PRKCZ: variants seen among roughly 807,000 people sequenced by gnomAD.
PRKCZ encodes protein kinase C zeta.
PRKCZ carries 33 observed loss-of-function variants against 79.5 expected under a neutral mutation model. That is an observed-to-expected ratio of 0.41 (90% CI 0.31 to 0.55). PRKCZ has a LOEUF of 0.55. PRKCZ is among the 20% of genes least tolerant of loss of function. The pLI is 0.19. For missense variants in PRKCZ, 578 were observed against 813.5 expected, an observed-to-expected ratio of 0.71 and a Z score of 3.52; for synonymous variants, 342 against 320.9, an observed-to-expected ratio of 1.07 and a Z score of -0.70.
intron 5 of PRKCZ, chr1:2,142,255 C>A: frequency 3.3e-6 from 1 of 301,490 alleles, no homozygotes; most frequent in Non-Finnish European, 6.3e-6. Flanking sequence ...CGAAGCGCCT[C>A]CTTTCAATCC....
intron 4 of PRKCZ, among the ~76,000 whole-genome samples, chr1:2,106,887 C>T (rs544877029): frequency 3.1e-4 from 43 of 138,364 alleles, no homozygotes; most frequent in South Asian, 2.0e-3. Context: ...ACACGTGTCA[C>T]CAGGCCAGGT....
At chr1:2,102,494 C>A (rs556804894) in intron 4 of PRKCZ, among the ~76,000 whole-genome samples, 6 of 151,382 alleles carry the variant, frequency 4.0e-5, no homozygotes, top group Admixed American at 3.9e-4. Context: ...CACCACGTCC[C>A]GCTAATTTTT....
At chr1:2,091,473 C>T (rs1665487232) in intron 4 of PRKCZ, among the ~76,000 whole-genome samples, 1 of 152,244 alleles carries the variant, frequency 6.6e-6, no homozygotes, top group African/African-American at 2.4e-5. Flanking sequence ...AACAGAACCT[C>T]CGCAGTCCCA....
rs897609863 is a variant in PRKCZ, at chr1:2,174,553, C to T, written c.1406-201C>T. Among the ~76,000 whole-genome samples, 9 of 152,370 alleles carry T rather than the reference C, an allele frequency of 5.9e-5. No individual in the cohort carries two copies. The highest frequency in any genetic ancestry group is 5.8e-4 in the East Asian group (3 of 5,182). On this transcript the variant is annotated intron_variant, in intron 14 of 17. Transcript: ENST00000378567. This position sits in a 1 kb window ranked among gnomAD's most constrained non-coding sequence, Gnocchi z 6.2. ...CTGGTTCACGTCCGATCCTACGACA[C>T]GTGCCAGCGCATGTAACCAGGAGGC...
intron 9 of PRKCZ, 84 bp from the exon 10 acceptor site, chr1:2,155,911 A>C: frequency 8.6e-7 from 1 of 1,163,184 alleles, no homozygotes; most frequent in Non-Finnish European, 1.3e-6. Flanking sequence ...GAGGAAAGAG[A>C]CTCCTCCCTT....
chr1:2,056,874 G>C (rs2803315), intron 3 of PRKCZ, among the ~76,000 whole-genome samples: 18,522 of 151,310 alleles, frequency 0.12, 3,729 homozygotes, highest in African/African-American at 0.42. Flanking sequence ...GACTACAGGC[G>C]CCCGCCACCA....
At position 2,165,176 on chromosome 1, in the gene PRKCZ, C is replaced by T. The variant is rs571505203; in HGVS notation, c.975-4342C>T. Among the ~76,000 whole-genome samples, 7 of 152,232 alleles carry T rather than the reference C, an allele frequency of 4.6e-5. No homozygotes were observed. Among genetic ancestry groups the T allele is most frequent in the Non-Finnish European group, 8.8e-5 (6 of 68,040 alleles). On this transcript the variant is annotated intron_variant, in intron 10 of 17. Coordinates refer to ENST00000378567, the MANE Select transcript of PRKCZ (RefSeq NM_002744.6). The surrounding 1 kb of genome is among the most constrained non-coding windows in gnomAD (Gnocchi z 4.1). Reference sequence around the variant, plus strand: ...AATCCTTCTGTGGATTCAGCTTTACCGCCTTTCCTCATCTGCTGGTGTCTT... The same window carrying T: ...AATCCTTCTGTGGATTCAGCTTTACTGCCTTTCCTCATCTGCTGGTGTCTT...
intron 9 of PRKCZ, among the ~76,000 whole-genome samples, chr1:2,155,593 GTGGTGA>G (rs879935842): frequency 2.7e-4 from 38 of 141,606 alleles, no homozygotes; most frequent in Non-Finnish European, 4.8e-4. Flanking sequence ...GATGACGGTG[GTGGTGA>G]TGATGACAGT....
chr1:2,130,266 G>C (rs1016882811), intron 4 of PRKCZ, among the ~76,000 whole-genome samples: 1 of 152,178 alleles, frequency 6.6e-6, no homozygotes, highest in African/African-American at 2.4e-5. Context: ...TAACTCACCT[G>C]GTCCCTGCTT....
At chr1:2,147,024 A>G (rs1233537047) in intron 7 of PRKCZ, among the ~76,000 whole-genome samples, 1 of 151,918 alleles carries the variant, frequency 6.6e-6, no homozygotes, top group Non-Finnish European at 1.5e-5. Flanking sequence ...CCAGCCAGCC[A>G]TCCTCCACCC....
intron 4 of PRKCZ, among the ~76,000 whole-genome samples, chr1:2,130,132 C>T (rs1233329362): frequency 6.6e-6 from 1 of 152,166 alleles, no homozygotes; most frequent in African/African-American, 2.4e-5. Flanking sequence ...ATTCAAATTC[C>T]TGGGCTCAAG....
chr1:2,163,232 G>A (rs1365304653), intron 10 of PRKCZ, among the ~76,000 whole-genome samples: 1 of 152,236 alleles, frequency 6.6e-6, no homozygotes, highest in Non-Finnish European at 1.5e-5. Context: ...TCTCGGGCAG[G>A]CAGCATTTGC....
intron 4 of PRKCZ, among the ~76,000 whole-genome samples, chr1:2,065,734 T>G (rs929484105): frequency 6.6e-6 from 1 of 151,424 alleles, no homozygotes; most frequent in African/African-American, 2.4e-5. Context: ...GCCTTTGTCC[T>G]GATTGTCAAA....
chr1:2,185,228 T>C lies in PRKCZ; in HGVS notation c.*219T>C, dbSNP rs1393256771. 1.4e-6 allele frequency: 1 copy of C among 708,168 alleles called. No individual in the cohort carries two copies. Among genetic ancestry groups the C allele is most frequent in the Non-Finnish European group, 2.6e-6 (1 of 382,080 alleles). 43.9% of individuals were successfully genotyped at this position (708,168 alleles called of 1,614,324 possible). On this transcript the variant is annotated 3_prime_UTR_variant, in exon 18 of 18. Transcript: ENST00000378567. ...CCAGCTTCGTGCTGGAGGAACTTGC[T>C]GCTGTGCCTGCGTCGCGGCGGATCC...
intron 4 of PRKCZ, among the ~76,000 whole-genome samples, chr1:2,085,658 G>A (rs112783143): frequency 1.0e-4 from 15 of 148,126 alleles, no homozygotes; most frequent in African/African-American, 3.7e-4. Flanking sequence ...GGGGGGCCCT[G>A]TTCTCAGAGC....
rs572979325 is a variant in PRKCZ, at chr1:2,074,004, G to A, written c.334+14413G>A. ...GCCAGCCGTGCTGCAGGCCCTGTGCGTGCGGAGGACGGTGCCCGAGTCAGC... is the reference window on the plus strand; with the variant it reads ...GCCAGCCGTGCTGCAGGCCCTGTGCATGCGGAGGACGGTGCCCGAGTCAGC... On this transcript the variant is annotated intron_variant, in intron 4 of 17. Transcript: ENST00000378567. The A allele has an allele frequency of 1.1e-5, 15 of 1,421,122 alleles. No homozygotes were observed. In the East Asian group the frequency reaches 1.3e-4, roughly 12 times the overall value. The allele number at this position is 1,421,122 out of a possible 1,614,324, so 88.0% of individuals were successfully genotyped here. A position where few individuals can be genotyped will look rare whatever the true frequency, so the allele number is the denominator to read the frequency against.
At chr1:2,124,679 C>G (rs1318894779) in intron 4 of PRKCZ, among the ~76,000 whole-genome samples, 1 of 152,132 alleles carries the variant, frequency 6.6e-6, no homozygotes, top group Non-Finnish European at 1.5e-5. Context: ...CCGACGGAGA[C>G]AGTTCCATAG....
intron 4 of PRKCZ, among the ~76,000 whole-genome samples, chr1:2,060,109 G>A (rs967363562): frequency 4.7e-4 from 72 of 152,364 alleles, no homozygotes; most frequent in South Asian, 1.9e-3. Flanking sequence ...TGAGCAGGTG[G>A]CTACGCTGCT....
chr1:2,181,809 C>T, intron 16 of PRKCZ: 1 of 455,564 alleles, frequency 2.2e-6, no homozygotes, highest in Non-Finnish European at 4.4e-6. Context: ...AGGAAATGCC[C>T]CTTTTTCACA....
Sources: allele counts gnomAD v4.1 joint callset (sites outside exome capture counted in the v4.1 genomes callset), GRCh38; gene constraint gnomAD v4.1.1; non-coding constraint Gnocchi (gnomAD v3.1); transcripts MANE v1.5; gene names NCBI Gene and HGNC (gene_info 2026-07-23, HGNC 2026-07-21).